DLG2: variants seen among roughly 807,000 people sequenced by gnomAD.
The protein encoded by DLG2 is disks large homolog 2.
DLG2 carries 45 observed loss-of-function variants against 132.5 expected under a neutral mutation model. The ratio of observed to expected loss-of-function variants is 0.34; its 90% confidence interval spans 0.27 to 0.44. DLG2 has a LOEUF of 0.44. DLG2 is among the 20% of genes least tolerant of loss of function. The pLI is 1.00. For synonymous variants in DLG2, 424 were observed against 419.6 expected, an observed-to-expected ratio of 1.01 and a Z score of -0.13; for missense variants, 1,045 against 1,196.9, an observed-to-expected ratio of 0.87 and a Z score of 1.87.
At chr11:84,017,424 G>A (rs1472689374) in intron 11 of DLG2, among the ~76,000 whole-genome samples, 1 of 151,908 alleles carries the variant, frequency 6.6e-6, no homozygotes, top group Non-Finnish European at 1.5e-5. Flanking sequence ...AAATGAAAAT[G>A]CATTTATTTT....
chr11:84,858,725 A>G (rs1428588386), intron 6 of DLG2, among the ~76,000 whole-genome samples: 1 of 152,148 alleles, frequency 6.6e-6, no homozygotes, highest in Non-Finnish European at 1.5e-5. Context: ...TACATGAGAC[A>G]AGTACTCAAA....
At chr11:85,302,646 T>TAAAAAAA (rs202166044) in intron 3 of DLG2, among the ~76,000 whole-genome samples, 1 of 105,854 alleles carries the variant, frequency 9.4e-6, no homozygotes, top group Non-Finnish European at 2.1e-5. Flanking sequence ...CTTGAAAAGT[T>TAAAAAAA]AAAAAAAAAA....
At chr11:83,883,703 G>A (rs2154077471) in intron 15 of DLG2, among the ~76,000 whole-genome samples, 1 of 151,834 alleles carries the variant, frequency 6.6e-6, no homozygotes, top group South Asian at 2.1e-4. Context: ...TACTCATTTT[G>A]TTTTGGGTGG....
intron 7 of DLG2, among the ~76,000 whole-genome samples, chr11:84,487,154 T>C (rs1406468668): frequency 6.6e-6 from 1 of 152,142 alleles, no homozygotes; most frequent in Admixed American, 6.6e-5. Flanking sequence ...GAATGATTAA[T>C]CAACAATTAT....
chr11:84,374,838 T>C (rs995886542), intron 7 of DLG2, among the ~76,000 whole-genome samples: 5 of 152,134 alleles, frequency 3.3e-5, no homozygotes, highest in African/African-American at 4.8e-5. Context: ...TGACACTTAG[T>C]CTTTCCCATC....
chr11:84,083,749 T>G (rs1044988532), intron 10 of DLG2, among the ~76,000 whole-genome samples: 2 of 152,200 alleles, frequency 1.3e-5, no homozygotes, highest in African/African-American at 4.8e-5. Context: ...TCCAGAACCA[T>G]GAGCCTAAGA....
intron 14 of DLG2, among the ~76,000 whole-genome samples, chr11:83,944,618 C>A (rs765382864): frequency 1.1e-4 from 16 of 152,166 alleles, no homozygotes; most frequent in Non-Finnish European, 1.9e-4. Flanking sequence ...GAAAGACTAG[C>A]AATAGAGCCA....
At chr11:83,887,887 C>A (rs1361816845) in intron 15 of DLG2, among the ~76,000 whole-genome samples, 3 of 150,500 alleles carry the variant, frequency 2.0e-5, no homozygotes, top group Non-Finnish European at 4.4e-5. Flanking sequence ...AGGCCTTTGA[C>A]AAAATTCAAC....
intron 3 of DLG2, among the ~76,000 whole-genome samples, chr11:85,415,873 A>C (rs1279425026): frequency 6.6e-6 from 1 of 152,190 alleles, no homozygotes; most frequent in African/African-American, 2.4e-5. Context: ...TCTTTAGTTT[A>C]ATTAAATTTC....
At chr11:85,555,955 C>T (rs990013693) in intron 3 of DLG2, among the ~76,000 whole-genome samples, 15 of 151,926 alleles carry the variant, frequency 9.9e-5, no homozygotes, top group African/African-American at 3.6e-4. Context: ...CATCTGGCCC[C>T]TCTTTGAATT....
At chr11:83,746,019 A>C (rs2092882982) in intron 18 of DLG2, among the ~76,000 whole-genome samples, 1 of 152,230 alleles carries the variant, frequency 6.6e-6, no homozygotes, top group African/African-American at 2.4e-5. Flanking sequence ...AATCAAAATC[A>C]CAATGAGTTA....
chr11:85,091,565 T>C (rs1024212709), intron 6 of DLG2, among the ~76,000 whole-genome samples: 1 of 152,252 alleles, frequency 6.6e-6, no homozygotes, highest in Non-Finnish European at 1.5e-5. Context: ...TCTTTGGGAA[T>C]TGGAGTCAAT....
Position 85,555,257 on chromosome 11 carries a change from A to G in DLG2, c.40+43400T>C, listed in dbSNP as rs150034171. 7.8e-4 allele frequency among the ~76,000 whole-genome samples: 119 copies of G among 152,044 alleles called. 2 individuals are homozygous for G. The highest frequency in any genetic ancestry group is 1.4e-3 in the Non-Finnish European group (94 of 67,928). ...AAGATATTGAATCAGAAGTCATAAA[A>G]TTGACCTCCAGAAAAAACATCATGC... On this transcript the variant is annotated intron_variant, in intron 3 of 27. Coordinates refer to ENST00000376104, the MANE Select transcript of DLG2 (RefSeq NM_001142699.3).
intron 7 of DLG2, among the ~76,000 whole-genome samples, chr11:84,512,539 CTT>C (rs543773770): frequency 1.2e-4 from 19 of 152,074 alleles, no homozygotes; most frequent in Non-Finnish European, 1.2e-4. Flanking sequence ...ATTTCTAGGA[CTT>C]TGAAAAATTC....
At chr11:84,058,535 A>ATAATAG (rs2154130073) in intron 11 of DLG2, among the ~76,000 whole-genome samples, 1 of 148,700 alleles carries the variant, frequency 6.7e-6, no homozygotes, top group South Asian at 2.1e-4. Context: ...AATAATAATA[A>ATAATAG]TAATAACCAC....
At chr11:85,576,884 G>A (rs2078189539) in intron 3 of DLG2, among the ~76,000 whole-genome samples, 1 of 152,146 alleles carries the variant, frequency 6.6e-6, no homozygotes, top group Admixed American at 6.6e-5. Flanking sequence ...AAAGGCTTAA[G>A]ATGGCAATTG....
intron 3 of DLG2, among the ~76,000 whole-genome samples, chr11:85,344,699 G>T (rs1321158736): frequency 1.3e-5 from 2 of 151,900 alleles, no homozygotes; most frequent in African/African-American, 2.4e-5. Flanking sequence ...TGCCTTCCAG[G>T]TGTTCCATTA....
rs1351740342 is a variant in DLG2, at chr11:83,712,679, G to A, written c.1825+74011C>T. Among the ~76,000 whole-genome samples the A allele has an allele frequency of 3.3e-5, 5 of 152,116 alleles. No homozygotes were observed. The East Asian group carries it at 9.6e-4, about 29-fold the overall frequency. ...CTTTGCAGGGACATGGATGGAGTTG[G>A]ATGCCATTATCCTTAGCAAACTAAC... On this transcript the variant is annotated intron_variant, in intron 18 of 27. Transcript: ENST00000376104.
At chr11:84,251,202 G>A in intron 8 of DLG2, 36 bp downstream of exon 8, 1 of 1,385,826 alleles carries the variant, frequency 7.2e-7, no homozygotes, top group Non-Finnish European at 9.9e-7. Flanking sequence ...TTCTACCACA[G>A]TTTTAAAAGA....
Sources: allele counts gnomAD v4.1 joint callset (sites outside exome capture counted in the v4.1 genomes callset), GRCh38; gene constraint gnomAD v4.1.1; transcripts MANE v1.5; gene names NCBI Gene and HGNC (gene_info 2026-07-23, HGNC 2026-07-21).